The following GMCL1 variants were observed in gnomAD, a reference collection of about 807,000 sequenced individuals.
The protein encoded by GMCL1 is germ cell-less 1, spermatogenesis associated, also known as germ cell-less protein-like 1.
Under a neutral mutation model 75.5 loss-of-function variants are expected in GMCL1, and 54 were observed. The observed-to-expected ratio is 0.71, with a 90% confidence interval of 0.57 to 0.90. GMCL1 has a LOEUF of 0.90. GMCL1 is among the 40% of genes least tolerant of loss of function. GMCL1 has a pLI of 0.00. For synonymous variants in GMCL1, 210 were observed against 209.6 expected, an observed-to-expected ratio of 1.00 and a Z score of -0.02; for missense variants, 537 against 622.7, an observed-to-expected ratio of 0.86 and a Z score of 1.47.
intron 6 of GMCL1, among the ~76,000 whole-genome samples, chr2:69,846,766 T>C (rs1299063665): frequency 6.6e-6 from 1 of 152,232 alleles, no homozygotes; most frequent in African/African-American, 2.4e-5. Flanking sequence ...AGTTTATGAC[T>C]AAGCAATTCT....
intron 8 of GMCL1, among the ~76,000 whole-genome samples, chr2:69,850,095 A>G (rs1337678771): frequency 6.6e-6 from 1 of 152,206 alleles, no homozygotes; most frequent in African/African-American, 2.4e-5. Context: ...TTTCTCTAAC[A>G]AGCTATACCC....
chr2:69,871,591 T>C (rs1398268132), intron 12 of GMCL1, among the ~76,000 whole-genome samples, 154 bp from the exon 13 acceptor site: 2 of 152,210 alleles, frequency 1.3e-5, no homozygotes, highest in African/African-American at 4.8e-5. Flanking sequence ...GGCTTGTCAC[T>C]GAATGCAGTC....
chr2:69,858,874 G>A (rs1489870902), intron 9 of GMCL1, among the ~76,000 whole-genome samples: 1 of 152,244 alleles, frequency 6.6e-6, no homozygotes. Context: ...TTGGCCGGGT[G>A]TGGTGGCTCA....
At chr2:69,869,010 T>C (rs1035629927) in intron 11 of GMCL1, among the ~76,000 whole-genome samples, 1 of 151,368 alleles carries the variant, frequency 6.6e-6, no homozygotes, top group Admixed American at 6.6e-5. Flanking sequence ...CCCAGCACTT[T>C]GGGAGGCCGA....
intron 8 of GMCL1, among the ~76,000 whole-genome samples, chr2:69,852,622 T>G (rs555261861): frequency 6.6e-6 from 1 of 151,854 alleles, no homozygotes; most frequent in Non-Finnish European, 1.5e-5. Flanking sequence ...CAGTGCAACC[T>G]CCACCTCCCA....
intron 1 of GMCL1, among the ~76,000 whole-genome samples, chr2:69,830,518 A>G (rs1409730761): frequency 6.6e-6 from 1 of 152,172 alleles, no homozygotes; most frequent in Non-Finnish European, 1.5e-5. Context: ...GTTGTTTTGC[A>G]TCCGGTTGCC....
chr2:69,872,169 G>A (rs568950413), intron 13 of GMCL1, among the ~76,000 whole-genome samples: 1 of 152,226 alleles, frequency 6.6e-6, no homozygotes, highest in South Asian at 2.1e-4. Flanking sequence ...TGTGTACATA[G>A]TGCATTTATT....
intron 13 of GMCL1, among the ~76,000 whole-genome samples, chr2:69,872,900 GATA>G (rs1356213170): frequency 2.0e-5 from 3 of 152,214 alleles, no homozygotes; most frequent in Admixed American, 1.3e-4. Flanking sequence ...ACCAGGCCAA[GATA>G]ATAGTTGTAT....
chr2:69,852,288 C>G (rs563143004), intron 8 of GMCL1, among the ~76,000 whole-genome samples: 106 of 152,314 alleles, frequency 7.0e-4, no homozygotes, highest in Non-Finnish European at 1.3e-3. Context: ...AAGCTGTGGT[C>G]CACTTCTGGA....
intron 8 of GMCL1, 88 bp from the exon 9 acceptor site, chr2:69,854,735 A>T: frequency 9.8e-7 from 1 of 1,015,978 alleles, no homozygotes; most frequent in Non-Finnish European, 1.5e-6. Context: ...TCTAATAGAC[A>T]TGAATGTACG....
At chr2:69,847,860 ACTTTT>A (rs1675199476) in intron 7 of GMCL1, among the ~76,000 whole-genome samples, 1 of 152,090 alleles carries the variant, frequency 6.6e-6, no homozygotes, top group Non-Finnish European at 1.5e-5. Context: ...TTTTTCCCAG[ACTTTT>A]CTTTAACAAA....
rs1676233146 is a variant in GMCL1 at position 69,879,912 on chromosome 2, C to CTTA, written c.*909_*911dup. ...TTTTAGTTGGGAACTTTGTTTCCTA[C>CTTA]TTAAGCTCAGGACTTTTTACCCTCT... is the stretch of plus-strand genomic sequence containing the variant. On this transcript the variant is annotated 3_prime_UTR_variant, in exon 14 of 14. Coordinates refer to ENST00000282570, the MANE Select transcript of GMCL1 (RefSeq NM_178439.5). The CTTA allele has an allele frequency of 6.6e-6, 1 of 152,142 alleles. No individual in the cohort carries two copies. The highest frequency in any genetic ancestry group is 1.5e-5 in the Non-Finnish European group (1 of 68,008). 9.4% of individuals were successfully genotyped at this position (152,142 alleles called of 1,614,324 possible).
At chr2:69,837,147 T>G (rs950076772) in intron 1 of GMCL1, among the ~76,000 whole-genome samples, 11 of 152,202 alleles carry the variant, frequency 7.2e-5, no homozygotes, top group Admixed American at 6.5e-4. Context: ...ACTTGCAGAT[T>G]ATTGCGCTAT....
At chr2:69,838,094 A>G (rs1009210803) in intron 2 of GMCL1, among the ~76,000 whole-genome samples, 1 of 152,152 alleles carries the variant, frequency 6.6e-6, no homozygotes, top group South Asian at 2.1e-4. Context: ...TGAAAAATGC[A>G]GGTAAAGACA....
intron 12 of GMCL1, among the ~76,000 whole-genome samples, 163 bp from the exon 13 acceptor site, chr2:69,871,582 G>T (rs1314029942): frequency 6.6e-6 from 1 of 152,122 alleles, no homozygotes; most frequent in East Asian, 1.9e-4. Flanking sequence ...AATAGCACAG[G>T]CTTGTCACTG....
intron 1 of GMCL1, among the ~76,000 whole-genome samples, chr2:69,833,829 C>T (rs917025129): frequency 2.6e-5 from 4 of 152,204 alleles, no homozygotes; most frequent in African/African-American, 9.7e-5. Context: ...TTAAAACCCA[C>T]ACTGTTCTAC....
intron 9 of GMCL1, 55 bp downstream of exon 9, chr2:69,855,015 A>C: frequency 7.8e-7 from 1 of 1,280,012 alleles, no homozygotes; most frequent in Non-Finnish European, 1.1e-6. Flanking sequence ...ATAAAGTAAT[A>C]TAGATCATAG....
At chr2:69,872,951 T>A (rs892972943) in intron 13 of GMCL1, among the ~76,000 whole-genome samples, 3 of 152,232 alleles carry the variant, frequency 2.0e-5, no homozygotes, top group Non-Finnish European at 2.9e-5. Context: ...GTCCCCACCA[T>A]GTGCTTGGTT....
chr2:69,840,780 C>T (rs536584223), intron 3 of GMCL1, among the ~76,000 whole-genome samples, 162 bp from the exon 4 acceptor site: 1 of 152,344 alleles, frequency 6.6e-6, no homozygotes, highest in Admixed American at 6.5e-5. Context: ...AACCAGTAAC[C>T]ATTACTAGCG....
Sources: allele counts gnomAD v4.1 joint callset (sites outside exome capture counted in the v4.1 genomes callset), GRCh38; gene constraint gnomAD v4.1.1; transcripts MANE v1.5; gene names NCBI Gene and HGNC (gene_info 2026-07-23, HGNC 2026-07-21).